ANKRD36C: variants seen among roughly 807,000 people sequenced by gnomAD.
The protein encoded by ANKRD36C is ankyrin repeat domain 36C.
ANKRD36C carries 61 observed loss-of-function variants against 276.4 expected under a neutral mutation model. The observed-to-expected ratio is 0.22, with a 90% CI of 0.18 to 0.27. The LOEUF is 0.27. Ranked by LOEUF, ANKRD36C falls within the 10% of genes least tolerant of loss-of-function variation. The pLI is 1.00. For missense variants in ANKRD36C, 1,447 were observed against 2,032.3 expected (o/e 0.71, Z 5.54); for synonymous variants, 483 against 680.1 (o/e 0.71, Z 4.51).
At chr2:95,960,389 G>A in intron 10 of ANKRD36C, 84 bp downstream of exon 10, 8 of 1,483,364 alleles carry the variant, frequency 5.4e-6, no homozygotes, top group Non-Finnish European at 7.3e-6. Context: ...CAGCTTCAAT[G>A]AGCCCCCTGC....
chr2:95,884,423 C>T (rs1676156403), intron 52 of ANKRD36C, 55 bp from the exon 73 acceptor site: 1 of 1,607,806 alleles, frequency 6.2e-7, no homozygotes, highest in African/African-American at 1.3e-5. Context: ...TAAAGTTATT[C>T]ATACATTCAT....
At chr2:95,949,303 T>C (rs995159023) in intron 16 of ANKRD36C, among the ~76,000 whole-genome samples, 1 of 152,128 alleles carries the variant, frequency 6.6e-6, no homozygotes, top group African/African-American at 2.4e-5. Context: ...CTTATTCAGG[T>C]CCACAAAAAC....
At chr2:95,931,751 T>A (rs1403051172) in intron 24 of ANKRD36C, among the ~76,000 whole-genome samples, 2 of 148,068 alleles carry the variant, frequency 1.4e-5, no homozygotes, top group Non-Finnish European at 3.0e-5. Context: ...AAGAGCAAAG[T>A]ACATTAGACA....
intron 61 of ANKRD36C, 37 bp from the exon 82 acceptor site, chr2:95,857,529 T>G (rs1675445659): frequency 6.5e-7 from 1 of 1,527,176 alleles, no homozygotes; most frequent in African/African-American, 1.4e-5. Flanking sequence ...ATCTTATCAG[T>G]GAGGACTAAG....
intron 62 of ANKRD36C, 27 bp downstream of exon 82, chr2:95,857,282 A>G (rs1675436668): frequency 2.5e-6 from 4 of 1,583,102 alleles, no homozygotes; most frequent in Non-Finnish European, 3.4e-6. Flanking sequence ...GAGTAGAAAT[A>G]TGAAGTTTTA....
chr2:95,942,553 G>C (rs1288724407), intron 19 of ANKRD36C, among the ~76,000 whole-genome samples: 1 of 152,356 alleles, frequency 6.6e-6, no homozygotes, highest in East Asian at 1.9e-4. Context: ...AGAGAGAAAT[G>C]TAAAACCTAT....
chr2:95,969,406 T>C (rs1223806981), intron 6 of ANKRD36C, among the ~76,000 whole-genome samples: 2 of 152,216 alleles, frequency 1.3e-5, no homozygotes, highest in African/African-American at 4.8e-5. Context: ...TGGTCAACCA[T>C]GGTCCATAAA....
chr2:95,912,355 T>C (rs1175749916), intron 41 of ANKRD36C, 39 bp from the exon 44 acceptor site: 1 of 1,601,944 alleles, frequency 6.2e-7, no homozygotes, highest in Admixed American at 1.7e-5. Flanking sequence ...ATAAGGTATG[T>C]TTCATAGGCT....
intron 32 of ANKRD36C, 136 bp downstream of exon 32, chr2:95,923,359 T>A (rs1677322842): frequency 6.6e-6 from 8 of 1,214,960 alleles, no homozygotes; most frequent in Non-Finnish European, 9.3e-6. Context: ...CCCGAGAACT[T>A]ATTACAAATG....
At chr2:95,927,476 A>C (rs116567099) in intron 26 of ANKRD36C, 67 bp from the exon 27 acceptor site, 2 of 1,597,640 alleles carry the variant, frequency 1.3e-6, no homozygotes, top group East Asian at 4.5e-5. Context: ...TACATTCATG[A>C]AGTGTTAGCA....
In ANKRD36C at chr2:95,991,676, G is replaced by A. The variant is rs564749169; in HGVS notation, c.33C>T (p.Thr11=). ...CATCCGAGCACAAGCGGTCCCTGAGGGTGGGCCACCTCTTCGGCTCCTTGT... is the reference window on the plus strand; with the variant it reads ...CATCCGAGCACAAGCGGTCCCTGAGAGTGGGCCACCTCTTCGGCTCCTTGT... The change falls in exon 1 of 67, where the codon ACC becomes ACT. Residue 11 remains threonine, a synonymous_variant. Coordinates refer to ENST00000456556, the Ensembl canonical transcript of ANKRD36C. 2.5e-6 allele frequency: 4 copies of A among 1,613,916 alleles called. No homozygotes were observed. In the Admixed American group the frequency reaches 6.7e-5, roughly 27 times the overall value.
chr2:95,875,326 T>C (rs1471298683), intron 59 of ANKRD36C, among the ~76,000 whole-genome samples: 2 of 151,982 alleles, frequency 1.3e-5, no homozygotes, highest in African/African-American at 4.8e-5. Context: ...GTGACACATA[T>C]ACACCATGGA....
chr2:95,954,829 C>T (rs1442984946), intron 13 of ANKRD36C, among the ~76,000 whole-genome samples: 1 of 152,182 alleles, frequency 6.6e-6, no homozygotes, highest in Non-Finnish European at 1.5e-5. Context: ...AGCTCCATTT[C>T]ATTCATCACT....
At chr2:95,912,246 G>T (rs1322906077) in exon 42 of ANKRD36C, 4 of 1,547,904 alleles carry the variant, frequency 2.6e-6, no homozygotes, top group Non-Finnish European at 3.5e-6. Context: ...AAAATTACCT[G>T]TCCTAGATGT....
intron 40 of ANKRD36C, among the ~76,000 whole-genome samples, chr2:95,913,754 T>A (rs535643172): frequency 6.6e-6 from 1 of 151,416 alleles, no homozygotes; most frequent in Non-Finnish European, 1.5e-5. Context: ...CTTGGCAGTA[T>A]GATCTGAAGT....
At chr2:95,890,502 G>A (rs1367108688) in intron 46 of ANKRD36C, among the ~76,000 whole-genome samples, 1 of 151,502 alleles carries the variant, frequency 6.6e-6, no homozygotes, top group Non-Finnish European at 1.5e-5. Flanking sequence ...CAGTGGAAGT[G>A]TCCTAAATTG....
intron 42 of ANKRD36C, among the ~76,000 whole-genome samples, chr2:95,911,257 A>G: frequency 6.6e-6 from 1 of 151,518 alleles, no homozygotes; most frequent in East Asian, 2.0e-4. Flanking sequence ...TAGCCTCAAT[A>G]AAAATATCAT....
intron 59 of ANKRD36C, among the ~76,000 whole-genome samples, chr2:95,875,248 C>T (rs559914822): frequency 1.0e-3 from 159 of 152,128 alleles, no homozygotes; most frequent in Non-Finnish European, 1.9e-3. Flanking sequence ...TATTGCGGCA[C>T]TATTCACAAT....
At chr2:95,936,778 C>A (rs1410365411) in intron 22 of ANKRD36C, among the ~76,000 whole-genome samples, 1 of 152,282 alleles carries the variant, frequency 6.6e-6, no homozygotes, top group Admixed American at 6.5e-5. Context: ...ATTCTCACCA[C>A]CCCTGTGATC....
Sources: gnomAD v4.1 joint callset for allele counts (sites outside exome capture counted in the v4.1 genomes callset) on GRCh38, gnomAD v4.1.1 for gene constraint, MANE v1.5 for transcripts, NCBI Gene and HGNC (gene_info 2026-07-23, HGNC 2026-07-21) for gene names.